The following MSN variants were observed in gnomAD, a reference collection of about 807,000 sequenced individuals.
MSN encodes the protein epididymis luminal protein 70.
A neutral mutation model predicts 48.0 loss-of-function variants in MSN; 2 were observed. The observed-to-expected ratio is 0.04, with a 90% CI of 0.02 to 0.13. The LOEUF is 0.13. MSN is among the 10% of genes least tolerant of loss of function. MSN has a pLI of 1.00. For missense variants in MSN, 267 were observed against 470.1 expected, an observed-to-expected ratio of 0.57 and a Z score of 3.99; for synonymous variants, 146 against 166.9, an observed-to-expected ratio of 0.87 and a Z score of 0.97.
chrX:65,672,906 A>G (rs2070956471), intron 1 of MSN, among the ~76,000 whole-genome samples: 1 of 111,997 alleles, frequency 8.9e-6, no homozygotes, highest in East Asian at 2.8e-4. Flanking sequence ...TGTGCCAGGC[A>G]GTATTGGAAA....
intron 1 of MSN, among the ~76,000 whole-genome samples, chrX:65,713,077 T>C (rs2071429760): frequency 9.0e-6 from 1 of 111,635 alleles, no homozygotes; most frequent in African/African-American, 3.3e-5. Context: ...GCCTGGTGAG[T>C]AGCAAGTCTT....
intron 1 of MSN, among the ~76,000 whole-genome samples, chrX:65,613,224 C>T (rs2070336729): frequency 8.8e-6 from 1 of 113,946 alleles, no homozygotes; most frequent in Admixed American, 9.2e-5. Context: ...TTTATGGATG[C>T]ATAGTATTCC....
chrX:65,633,558 G>T (rs1046804363), intron 1 of MSN, among the ~76,000 whole-genome samples: 1 of 111,566 alleles, frequency 9.0e-6, no homozygotes, highest in South Asian at 3.8e-4. Flanking sequence ...CCTCTCACAG[G>T]CTTTCCTGCT....
intron 1 of MSN, among the ~76,000 whole-genome samples, chrX:65,641,550 GTATATATATATATATATATA>G (rs1168302693): frequency 4.5e-3 from 70 of 15,390 alleles, no homozygotes; most frequent in East Asian, 0.016. Flanking sequence ...AAAAAGTGAA[GTATATATATATATATATATA>G]TATATATATA....
At chrX:65,644,890 G>A (rs776886553) in intron 1 of MSN, among the ~76,000 whole-genome samples, 1 of 112,551 alleles carries the variant, frequency 8.9e-6, no homozygotes, top group South Asian at 3.7e-4. Context: ...ACTTTTCCCT[G>A]TAGGTGTCAG....
chrX:65,733,061 A>T (rs754658270), intron 6 of MSN, 123 bp from the exon 7 acceptor site: 6,588 of 153,194 alleles, frequency 0.043, 35 homozygotes, highest in Middle Eastern at 0.08. Context: ...TATTTATTTT[A>T]AAAAAAAAAA....
intron 1 of MSN, among the ~76,000 whole-genome samples, chrX:65,602,583 G>C (rs1358942214): frequency 9.0e-6 from 1 of 111,292 alleles, no homozygotes. Flanking sequence ...GGGTGGCTTT[G>C]AGTTTTGTCT....
At chrX:65,658,617 AC>A (rs2070799330) in intron 1 of MSN, among the ~76,000 whole-genome samples, 1 of 111,070 alleles carries the variant, frequency 9.0e-6, no homozygotes, top group African/African-American at 3.3e-5. Flanking sequence ...CTGTTCTCCA[AC>A]CAGTTTGTCC....
At chrX:65,606,210 A>G (rs1329398023) in intron 1 of MSN, among the ~76,000 whole-genome samples, 2 of 107,687 alleles carry the variant, frequency 1.9e-5, no homozygotes, top group African/African-American at 3.4e-5. Context: ...GCTCACTGCA[A>G]CCTCCGCCTC....
intron 3 of MSN, among the ~76,000 whole-genome samples, chrX:65,728,818 C>T (rs2071594534): frequency 9.0e-6 from 1 of 111,429 alleles, no homozygotes; most frequent in Non-Finnish European, 1.9e-5. Context: ...ACCTGGCAGC[C>T]TTCCATCTTC....
chrX:65,622,601 C>G (rs994662505), intron 1 of MSN, among the ~76,000 whole-genome samples: 1 of 103,545 alleles, frequency 9.7e-6, no homozygotes, highest in Non-Finnish European at 2.0e-5. Flanking sequence ...ACTGACACCT[C>G]TGCCTCCTGG....
intron 1 of MSN, among the ~76,000 whole-genome samples, chrX:65,648,897 A>T (rs1027298787): frequency 3.7e-5 from 4 of 108,789 alleles, no homozygotes; most frequent in East Asian, 2.8e-4. Context: ...AATAAATAAA[A>T]TAAATAAAAT....
chrX:65,659,596 G>A (rs998838763), intron 1 of MSN, among the ~76,000 whole-genome samples: 4 of 111,355 alleles, frequency 3.6e-5, no homozygotes, highest in African/African-American at 1.3e-4. Context: ...CTAAAGCCCT[G>A]ACCAAATATT....
At chrX:65,700,683 G>A (rs2071293430) in intron 1 of MSN, among the ~76,000 whole-genome samples, 1 of 112,136 alleles carries the variant, frequency 8.9e-6, no homozygotes. Context: ...CTAGAAAATA[G>A]CAGTTGGTTC....
In MSN at chrX:65,703,120, GT is replaced by G. The variant is rs1401637422; in HGVS notation, c.13-13693del. ...CCCCTAGCCCTCTGTAGTGAAACAG[GT>G]TTTTGTTTTAAATTATTCCTGACAG... On this transcript the variant is annotated intron_variant, in intron 1 of 12. Coordinates refer to ENST00000360270, the MANE Select transcript of MSN (RefSeq NM_002444.3). 2.7e-5 allele frequency among the ~76,000 whole-genome samples: 3 copies of G among 111,515 alleles called. No homozygotes were observed. In the Admixed American group the frequency reaches 2.9e-4, roughly 11 times the overall value.
chrX:65,726,260 G>A (rs990310628), intron 2 of MSN, among the ~76,000 whole-genome samples: 7 of 111,669 alleles, frequency 6.3e-5, no homozygotes, highest in Admixed American at 3.8e-4. Context: ...CTCAGGAGTC[G>A]TAAGCTCATA....
chrX:65,715,036 A>G (rs1175825591), intron 1 of MSN, among the ~76,000 whole-genome samples: 3 of 112,102 alleles, frequency 2.7e-5, no homozygotes, highest in Non-Finnish European at 5.6e-5. Context: ...TCTTCTACAT[A>G]TGGCTAACCA....
At chrX:65,615,619 G>A (rs2070363247) in intron 1 of MSN, among the ~76,000 whole-genome samples, 2 of 105,025 alleles carry the variant, frequency 1.9e-5, no homozygotes, top group Non-Finnish European at 3.9e-5. Flanking sequence ...TTTGTCAGAT[G>A]AGTAGGTTGT....
chrX:65,740,429 G>A lies in MSN; in HGVS notation c.*536G>A, dbSNP rs2071724799. ...GTTATTTAGGCTTTGTAACGATTGG[G>A]GGATAAAAAGATGTTCAGTCATTTT... On this transcript the variant is annotated 3_prime_UTR_variant, in exon 13 of 13. Coordinates refer to ENST00000360270, the MANE Select transcript of MSN (RefSeq NM_002444.3). 1 of 174,864 alleles carries A rather than the reference G, an allele frequency of 5.7e-6. No homozygotes were observed. Among genetic ancestry groups the A allele is most frequent in the Non-Finnish European group, 1.1e-5 (1 of 91,299 alleles). 14.4% of individuals were successfully genotyped at this position (174,864 alleles called of 1,213,427 possible).
Sources: allele counts gnomAD v4.1 joint callset (sites outside exome capture counted in the v4.1 genomes callset), GRCh38; gene constraint gnomAD v4.1.1; transcripts MANE v1.5; gene names NCBI Gene and HGNC (gene_info 2026-07-23, HGNC 2026-07-21).